The following RFX8 variants were observed in gnomAD, a reference collection of about 807,000 sequenced individuals.
RFX8 encodes the protein DNA-binding protein RFX8.
In RFX8, 46 loss-of-function variants were observed where a neutral mutation model predicts 54.6. The ratio of observed to expected loss-of-function variants is 0.84; its 90% CI spans 0.67 to 1.08. The LOEUF (loss-of-function observed/expected upper bound fraction) is 1.08, where lower values mean the gene tolerates loss of function less well. Among genes scored for constraint, RFX8 ranks in the 50% least tolerant of loss-of-function variants. RFX8 has a pLI of 0.00. For synonymous variants in RFX8, 192 were observed against 209.5 expected (o/e 0.92, Z 0.72); for missense variants, 536 against 562.3 (o/e 0.95, Z 0.47).
chr2:101,428,456 C>T (rs1248008285), intron 2 of RFX8, among the ~76,000 whole-genome samples: 3 of 152,224 alleles, frequency 2.0e-5, no homozygotes, highest in Non-Finnish European at 4.4e-5. Context: ...CTGGGACTTC[C>T]AGCCTCTGGA....
intron 10 of RFX8, among the ~76,000 whole-genome samples, chr2:101,404,836 C>A (rs77045544): frequency 0.015 from 2,253 of 152,258 alleles, 140 homozygotes; most frequent in Admixed American, 0.11. Flanking sequence ...GGAAGAGTCC[C>A]ACTATAAGTG....
chr2:101,443,208 T>C (rs557929872), intron 2 of RFX8, among the ~76,000 whole-genome samples: 2 of 152,144 alleles, frequency 1.3e-5, no homozygotes, highest in South Asian at 2.1e-4. Flanking sequence ...TGTACAGTCC[T>C]GGGTCCCAAA....
chr2:101,423,821 A>G (rs2310127), intron 2 of RFX8, among the ~76,000 whole-genome samples: 59,480 of 152,034 alleles, frequency 0.39, 13,276 homozygotes, highest in East Asian at 0.5. Flanking sequence ...CACACCGGAA[A>G]CAGGCACCAC....
rs935158063 is a variant in RFX8, at chr2:101,410,625, C to T, written c.807G>A (p.Val269=). The change falls in exon 9 of 12, where the codon GTG becomes GTA. Residue 269 remains valine, a synonymous_variant. Coordinates refer to ENST00000428343, the MANE Select transcript of RFX8 (RefSeq NM_001145664.2). ...SCLSSHLQAF[V]FQTSRSKEEF... is the part of the protein sequence containing the mutation. ...TTAAGTCACAGCTTCCTACCTGGAA[C>T]ACAAATGCTTGGAGATGTGAAGACA... 3 of 1,506,922 alleles carry T rather than the reference C, an allele frequency of 2.0e-6. No homozygotes were observed. In the African/African-American group the frequency reaches 4.2e-5, roughly 21 times the overall value. The allele number at this position is 1,506,922 out of a possible 1,614,324, so 93.3% of individuals were successfully genotyped here.
At chr2:101,410,505 G>T in intron 9 of RFX8, 114 bp downstream of exon 9, 2 of 637,154 alleles carry the variant, frequency 3.1e-6, no homozygotes, top group South Asian at 2.0e-5. Flanking sequence ...GGCCAGCTTT[G>T]ACACATTTCC....
intron 4 of RFX8, 108 bp downstream of exon 4, chr2:101,421,616 T>G (rs1686867777): frequency 6.8e-7 from 1 of 1,473,208 alleles, no homozygotes; most frequent in East Asian, 2.5e-5. Context: ...GGGTTACCAT[T>G]GGACATCTGT....
rs1303907717 is a variant in RFX8 at position 101,422,477 on chromosome 2, A to C, written c.73-5T>G. 16 of 1,503,908 alleles carry C rather than the reference A, an allele frequency of 1.1e-5. No homozygotes were observed. The highest frequency in any genetic ancestry group is 2.8e-5 in the African/African-American group (2 of 72,116). The allele number at this position is 1,503,908 out of a possible 1,614,324, so 93.2% of individuals were successfully genotyped here. A position where few individuals can be genotyped will look rare whatever the true frequency, so the allele number is the denominator to read the frequency against. ...CATCGGTGAATGATCTTCACACTAAAAATCATTTGTGCAATGGATTATGTC... is the reference window on the plus strand; with the variant it reads ...CATCGGTGAATGATCTTCACACTAACAATCATTTGTGCAATGGATTATGTC... On this transcript the variant is annotated splice_region_variant and splice_polypyrimidine_tract_variant and intron_variant, in intron 2 of 11. Transcript: ENST00000428343.
At chr2:101,420,250 A>AT (rs1686785279) in intron 4 of RFX8, among the ~76,000 whole-genome samples, 1 of 152,044 alleles carries the variant, frequency 6.6e-6, no homozygotes, top group Non-Finnish European at 1.5e-5. Flanking sequence ...TTTAGTAATA[A>AT]TAAAATCTAG....
chr2:101,445,419 G>T (rs1237642032), intron 2 of RFX8, among the ~76,000 whole-genome samples: 1 of 151,892 alleles, frequency 6.6e-6, no homozygotes, highest in African/African-American at 2.4e-5. Context: ...TTGAGACAGG[G>T]TCTTGCTCTG....
intron 2 of RFX8, among the ~76,000 whole-genome samples, chr2:101,424,859 C>A (rs1253323902): frequency 6.6e-6 from 1 of 152,112 alleles, no homozygotes; most frequent in Non-Finnish European, 1.5e-5. Context: ...CACACCAGGG[C>A]CCGTCAGGGG....
chr2:101,397,757 A>G, intron 11 of RFX8, 33 bp from the exon 12 acceptor site: 1 of 1,514,276 alleles, frequency 6.6e-7, no homozygotes, highest in Non-Finnish European at 8.9e-7. Flanking sequence ...GGGAAAAGAT[A>G]AAAAGAGACA....
At chr2:101,432,759 CTTG>C (rs1046836596) in intron 2 of RFX8, among the ~76,000 whole-genome samples, 3 of 152,206 alleles carry the variant, frequency 2.0e-5, no homozygotes, top group African/African-American at 7.2e-5. Context: ...CAGAGCTGGC[CTTG>C]TTGTGAAGGA....
intron 4 of RFX8, 56 bp from the exon 5 acceptor site, chr2:101,419,020 AC>A (rs912358779): frequency 2.2e-5 from 18 of 823,628 alleles, no homozygotes; most frequent in African/African-American, 1.7e-4. Flanking sequence ...CGCAAGACTA[AC>A]CCCCCGCCAC....
At chr2:101,418,355 A>T (rs1686657071) in intron 5 of RFX8, among the ~76,000 whole-genome samples, 1 of 152,216 alleles carries the variant, frequency 6.6e-6, no homozygotes, top group African/African-American at 2.4e-5. Flanking sequence ...TGGTTTCCTT[A>T]AAAATAATAA....
At chr2:101,439,090 G>A (rs1023233099) in intron 2 of RFX8, among the ~76,000 whole-genome samples, 42 of 152,158 alleles carry the variant, frequency 2.8e-4, no homozygotes, top group African/African-American at 1.0e-3. Context: ...TGGGATTACA[G>A]GTGTGAGCCA....
rs866504750 is a variant in RFX8, at chr2:101,468,991, A to C, written c.-52-2091T>G. ...ATATATATGTAAGTATATATATATAAGTATATATATACGTATATATATATA... is the reference window on the plus strand; with the variant it reads ...ATATATATGTAAGTATATATATATACGTATATATATACGTATATATATATA... On this transcript the variant is annotated intron_variant, in intron 1 of 11. Transcript: ENST00000428343. 1.2e-3 allele frequency among the ~76,000 whole-genome samples: 151 copies of C among 125,050 alleles called. 2 individuals carry two copies. Among genetic ancestry groups the C allele is most frequent in the African/African-American group, 4.3e-3 (138 of 32,200 alleles). 82.0% of individuals were successfully genotyped at this position (125,050 alleles called of 152,430 possible).
chr2:101,461,738 A>C (rs989632371), intron 2 of RFX8, among the ~76,000 whole-genome samples: 17 of 152,236 alleles, frequency 1.1e-4, no homozygotes, highest in Non-Finnish European at 2.5e-4. Context: ...TAAGTTAAAA[A>C]TTATACCCTG....
chr2:101,398,491 A>G (rs1685252312), intron 11 of RFX8, among the ~76,000 whole-genome samples: 1 of 152,146 alleles, frequency 6.6e-6, no homozygotes, highest in Non-Finnish European at 1.5e-5. Context: ...TGGAGCTGAC[A>G]TAGTCAGTTC....
intron 10 of RFX8, among the ~76,000 whole-genome samples, chr2:101,404,377 T>C (rs1685609816): frequency 6.6e-6 from 1 of 152,164 alleles, no homozygotes. Flanking sequence ...AATACATTGA[T>C]TTCATATGGA....
Sources: gnomAD v4.1 joint callset for allele counts (sites outside exome capture counted in the v4.1 genomes callset) on GRCh38, gnomAD v4.1.1 for gene constraint, MANE v1.5 for transcripts, NCBI Gene and HGNC (gene_info 2026-07-23, HGNC 2026-07-21) for gene names.